ZFHX3: variants seen among roughly 807,000 people sequenced by gnomAD.
ZFHX3 encodes zinc finger homeobox 3.
A neutral mutation model predicts 279.1 loss-of-function variants in ZFHX3; 42 were observed. The ratio of observed to expected loss-of-function variants is 0.15; its 90% CI spans 0.12 to 0.19. The LOEUF is 0.19. Among genes scored for constraint, ZFHX3 ranks in the 10% least tolerant of loss-of-function variants. ZFHX3 has a pLI of 1.00. For synonymous variants in ZFHX3, 2,293 were observed against 1,957.8 expected (o/e 1.17, Z -4.52); for missense variants, 4,981 against 4,754.0 (o/e 1.05, Z -1.40).
chr16:73,337,899 G>GGGGT (rs2015948223), intron 3 of ZFHX3, among the ~76,000 whole-genome samples: 4 of 140,482 alleles, frequency 2.8e-5, no homozygotes, highest in Admixed American at 7.0e-5. Flanking sequence ...TGGCGGGGGG[G>GGGGT]GGGGTCCTCA....
In ZFHX3 at chr16:72,802,269, G is replaced by A. The variant is rs188138695; in HGVS notation, c.3865-2140C>T. On this transcript the variant is annotated intron_variant, in intron 7 of 9. Transcript: ENST00000268489. ...TTGAAGTCAATCAAGTGTGAATGACGGCAAAAAAGAAAAAAAAAAGACACC... is the reference window on the plus strand; with the variant it reads ...TTGAAGTCAATCAAGTGTGAATGACAGCAAAAAAGAAAAAAAAAAGACACC... Among the ~76,000 whole-genome samples, 641 of 151,654 alleles carry A rather than the reference G, an allele frequency of 4.2e-3. 3 individuals carry two copies. Among genetic ancestry groups the A allele is most frequent in the Non-Finnish European group, 7.7e-3 (521 of 67,868 alleles).
chr16:72,919,010 T>G (rs2039516285), intron 3 of ZFHX3, among the ~76,000 whole-genome samples: 1 of 151,968 alleles, frequency 6.6e-6, no homozygotes, highest in Admixed American at 6.6e-5. Context: ...TAGAGGTATT[T>G]CTATACGATG....
At chr16:73,856,914 T>A (rs1439192554) in intron 1 of ZFHX3, among the ~76,000 whole-genome samples, 3 of 152,202 alleles carry the variant, frequency 2.0e-5, no homozygotes, top group African/African-American at 7.2e-5. Context: ...GAGGTAAGTA[T>A]TGCTGTGATC....
At chr16:73,033,421 G>A (rs560028012) in intron 1 of ZFHX3, among the ~76,000 whole-genome samples, 19 of 152,284 alleles carry the variant, frequency 1.2e-4, no homozygotes, top group Middle Eastern at 3.4e-3. Flanking sequence ...CCCAGCACTG[G>A]GTCTTGACAG....
At chr16:73,629,817 A>G (rs2052451444) in intron 2 of ZFHX3, among the ~76,000 whole-genome samples, 1 of 152,144 alleles carries the variant, frequency 6.6e-6, no homozygotes, top group South Asian at 2.1e-4. Flanking sequence ...GATTGGGATA[A>G]CTAAAAAGGC....
intron 2 of ZFHX3, among the ~76,000 whole-genome samples, chr16:73,478,303 A>T (rs988416912): frequency 6.7e-6 from 1 of 148,946 alleles, no homozygotes; most frequent in African/African-American, 2.5e-5. Context: ...TTAGGTACTA[A>T]AAGCCATATG....
intron 3 of ZFHX3, among the ~76,000 whole-genome samples, chr16:73,397,522 C>T (rs1285446514): frequency 6.6e-6 from 1 of 152,106 alleles, no homozygotes; most frequent in East Asian, 1.9e-4. Context: ...GATTTGCATA[C>T]TGAAGATCAC....
At chr16:73,345,311 G>T (rs1049447085) in intron 3 of ZFHX3, among the ~76,000 whole-genome samples, 2 of 152,054 alleles carry the variant, frequency 1.3e-5, no homozygotes, top group African/African-American at 4.8e-5. Flanking sequence ...GTGTCATGGT[G>T]GTTTGGGGCA....
chr16:73,463,381 T>C (rs1039103925), intron 2 of ZFHX3, among the ~76,000 whole-genome samples: 1 of 152,198 alleles, frequency 6.6e-6, no homozygotes, highest in African/African-American at 2.4e-5. Context: ...AATCAAACTC[T>C]TAGCCAGGCT....
chr16:73,550,419 C>T (rs999046642), intron 2 of ZFHX3, among the ~76,000 whole-genome samples: 1 of 152,174 alleles, frequency 6.6e-6, no homozygotes, highest in African/African-American at 2.4e-5. Context: ...ACAGTAGGCC[C>T]AGTGTGAGGC....
chr16:73,836,518 T>C (rs1961148796), intron 1 of ZFHX3, among the ~76,000 whole-genome samples: 1 of 152,208 alleles, frequency 6.6e-6, no homozygotes, highest in African/African-American at 2.4e-5. Flanking sequence ...GTAACTGAAG[T>C]AGTCATTAGA....
chr16:73,429,874 G>C (rs1029730240), intron 3 of ZFHX3, among the ~76,000 whole-genome samples: 3 of 151,828 alleles, frequency 2.0e-5, no homozygotes, highest in African/African-American at 7.3e-5. Flanking sequence ...TAATTGATGA[G>C]AGCCTTCTCT....
intron 1 of ZFHX3, among the ~76,000 whole-genome samples, chr16:73,882,882 C>A (rs1381250850): frequency 6.6e-6 from 1 of 152,068 alleles, no homozygotes; most frequent in Non-Finnish European, 1.5e-5. Flanking sequence ...CCAAAACAGG[C>A]AACTTTGCAA....
At chr16:72,930,757 T>C (rs2144292108) in intron 3 of ZFHX3, among the ~76,000 whole-genome samples, 1 of 152,064 alleles carries the variant, frequency 6.6e-6, no homozygotes, top group East Asian at 1.9e-4. Flanking sequence ...ATTGCCAAAA[T>C]AAGGAAGATT....
intron 1 of ZFHX3, among the ~76,000 whole-genome samples, chr16:73,008,933 T>C (rs1963813976): frequency 6.6e-6 from 1 of 151,916 alleles, no homozygotes; most frequent in South Asian, 2.1e-4. Context: ...TGTGTGTGTG[T>C]GTGTGTATGT....
At chr16:73,590,602 G>C (rs1346968699) in intron 2 of ZFHX3, among the ~76,000 whole-genome samples, 1 of 152,172 alleles carries the variant, frequency 6.6e-6, no homozygotes, top group South Asian at 2.1e-4. Flanking sequence ...GAATATTCTA[G>C]AGAACCAACT....
At chr16:73,389,818 G>C (rs1483727368) in intron 3 of ZFHX3, among the ~76,000 whole-genome samples, 1 of 152,242 alleles carries the variant, frequency 6.6e-6, no homozygotes, top group Non-Finnish European at 1.5e-5. Context: ...CCAACGCTTT[G>C]GGAGGCAGAG....
At chr16:73,367,934 T>A (rs767490086) in intron 3 of ZFHX3, among the ~76,000 whole-genome samples, 9 of 149,960 alleles carry the variant, frequency 6.0e-5, no homozygotes, top group Admixed American at 1.3e-4. Context: ...AGTGGCATGG[T>A]CTCAGCTCAC....
chr16:73,250,751 G>A (rs1212434388), intron 5 of ZFHX3, among the ~76,000 whole-genome samples: 2 of 152,056 alleles, frequency 1.3e-5, no homozygotes, highest in African/African-American at 4.8e-5. Context: ...AGCCAGGATG[G>A]TCTCCATCTC....
Sources: allele counts gnomAD v4.1 joint callset (sites outside exome capture counted in the v4.1 genomes callset), GRCh38; gene constraint gnomAD v4.1.1; transcripts MANE v1.5; gene names NCBI Gene and HGNC (gene_info 2026-07-23, HGNC 2026-07-21).